ZMAT4: variants seen among roughly 807,000 people sequenced by gnomAD.
ZMAT4 encodes the protein zinc finger matrin-type protein 4.
In ZMAT4, 17 loss-of-function variants were observed where a neutral mutation model predicts 28.7. That is an observed-to-expected ratio of 0.59 (90% CI 0.41 to 0.89). ZMAT4 has a LOEUF of 0.89. Ranked by LOEUF, ZMAT4 falls within the 40% of genes least tolerant of loss-of-function variation. ZMAT4 has a pLI of 0.00. For synonymous variants in ZMAT4, 117 were observed against 109.2 expected, an observed-to-expected ratio of 1.07 and a Z score of -0.44; for missense variants, 240 against 283.8, an observed-to-expected ratio of 0.85 and a Z score of 1.11.
At chr8:40,861,087 G>A (rs920896934) in intron 1 of ZMAT4, among the ~76,000 whole-genome samples, 1 of 152,158 alleles carries the variant, frequency 6.6e-6, no homozygotes, top group Non-Finnish European at 1.5e-5. Flanking sequence ...ATCATTATTG[G>A]TATTTACATA....
chr8:40,564,334 GC>G (rs1803844969), intron 6 of ZMAT4, among the ~76,000 whole-genome samples: 1 of 152,044 alleles, frequency 6.6e-6, no homozygotes, highest in Non-Finnish European at 1.5e-5. Flanking sequence ...CTACAGGATT[GC>G]CCAACCCTGG....
chr8:40,881,599 A>AAAG (rs750851490), intron 1 of ZMAT4, among the ~76,000 whole-genome samples: 6,061 of 75,422 alleles, frequency 0.08, 242 homozygotes, highest in East Asian at 0.1. Context: ...AGAAAGAAAG[A>AAAG]AAAGAAAAGA....
chr8:40,638,137 A>T (rs1277036860), intron 5 of ZMAT4, among the ~76,000 whole-genome samples: 1 of 152,190 alleles, frequency 6.6e-6, no homozygotes, highest in African/African-American at 2.4e-5. Flanking sequence ...GGTTCTCGTG[A>T]TCTATTGTAC....
intron 5 of ZMAT4, among the ~76,000 whole-genome samples, chr8:40,665,241 A>C (rs34302484): frequency 0.52 from 79,364 of 151,294 alleles, 21,074 homozygotes; most frequent in Middle Eastern, 0.62. Context: ...CACACACAAA[A>C]AAAACAAAAA....
At chr8:40,817,342 G>A (rs1320502609) in intron 2 of ZMAT4, among the ~76,000 whole-genome samples, 1 of 152,180 alleles carries the variant, frequency 6.6e-6, no homozygotes, top group East Asian at 1.9e-4. Context: ...GTCCCTAGGA[G>A]GAGAGAAGAC....
At chr8:40,700,802 T>C (rs1341109532) in intron 3 of ZMAT4, among the ~76,000 whole-genome samples, 1 of 152,126 alleles carries the variant, frequency 6.6e-6, no homozygotes, top group Non-Finnish European at 1.5e-5. Flanking sequence ...TTGTACATTC[T>C]TCTTCTACAG....
intron 5 of ZMAT4, among the ~76,000 whole-genome samples, chr8:40,637,089 ATT>A (rs776119613): frequency 7.6e-4 from 75 of 98,062 alleles, no homozygotes; most frequent in East Asian, 4.3e-3. Flanking sequence ...AATGAAATAG[ATT>A]TTAAAAAAAA....
At chr8:40,635,898 A>G (rs1451682) in intron 5 of ZMAT4, among the ~76,000 whole-genome samples, 149,078 of 152,282 alleles carry the variant, frequency 0.98, 73,065 homozygotes, top group Middle Eastern at 1. Flanking sequence ...AACCTAATTA[A>G]TAAAAGTTGG....
At chr8:40,611,038 T>C (rs2589880) in intron 5 of ZMAT4, among the ~76,000 whole-genome samples, 149,470 of 152,084 alleles carry the variant, frequency 0.98, 73,519 homozygotes, top group Middle Eastern at 1. Flanking sequence ...CTGAGAACAG[T>C]GGTCTGTGCT....
chr8:40,874,273 G>A (rs143310743), intron 1 of ZMAT4, among the ~76,000 whole-genome samples: 112 of 152,306 alleles, frequency 7.4e-4, no homozygotes, highest in African/African-American at 2.5e-3. Context: ...GGCCACACCC[G>A]TCACGTCCAG....
chr8:40,704,419 G>T (rs1024466118), intron 3 of ZMAT4, among the ~76,000 whole-genome samples: 3 of 152,076 alleles, frequency 2.0e-5, no homozygotes, highest in African/African-American at 7.2e-5. Context: ...AGATATTAAG[G>T]TCCATTTTCT....
intron 1 of ZMAT4, among the ~76,000 whole-genome samples, chr8:40,880,569 G>A (rs1464247840): frequency 2.0e-5 from 3 of 152,048 alleles, no homozygotes; most frequent in Non-Finnish European, 4.4e-5. Context: ...TCTTATTGGT[G>A]ATAAGTGCTT....
chr8:40,611,312 AC>A (rs1190884423), intron 5 of ZMAT4, among the ~76,000 whole-genome samples: 1 of 151,918 alleles, frequency 6.6e-6, no homozygotes, highest in Non-Finnish European at 1.5e-5. Flanking sequence ...TCTGCCTGGA[AC>A]TTTTACATAT....
intron 2 of ZMAT4, among the ~76,000 whole-genome samples, chr8:40,769,058 G>C (rs1813280022): frequency 6.6e-6 from 1 of 152,104 alleles, no homozygotes; most frequent in African/African-American, 2.4e-5. Context: ...ATTCTGTCTA[G>C]AGCAACAAAA....
At chr8:40,756,426 T>TTATATATATATATATATATATA (rs72008675) in intron 3 of ZMAT4, among the ~76,000 whole-genome samples, 1,210 of 72,626 alleles carry the variant, frequency 0.017, 67 homozygotes, top group African/African-American at 0.018. Context: ...AAATGTTCTT[T>TTATATATATATATATATATATA]TATATATATA....
chr8:40,823,541 C>T (rs1272799624), intron 2 of ZMAT4, among the ~76,000 whole-genome samples: 2 of 152,128 alleles, frequency 1.3e-5, no homozygotes, highest in African/African-American at 4.8e-5. Context: ...CGCCTGTAGT[C>T]CCAGCTACTG....
rs534283018 is a variant in ZMAT4 at position 40,543,081 on chromosome 8, T to C, written c.675-10843A>G. 5.8e-4 allele frequency among the ~76,000 whole-genome samples: 88 copies of C among 152,054 alleles called. 1 individual carries two copies. Among genetic ancestry groups the C allele is most frequent in the Middle Eastern group, 3.4e-3 (1 of 294 alleles). ...ATGACAAATCCACAGATAGAGTGAA[T>C]TCTATGCTAACTTTTTTTTTTTCTC... On this transcript the variant is annotated intron_variant, in intron 6 of 6. Coordinates refer to ENST00000297737, the MANE Select transcript of ZMAT4 (RefSeq NM_024645.3).
At chr8:40,698,307 A>C (rs12681768) in intron 3 of ZMAT4, among the ~76,000 whole-genome samples, 1 of 152,034 alleles carries the variant, frequency 6.6e-6, no homozygotes, top group Non-Finnish European at 1.5e-5. Flanking sequence ...AAAAAATAAA[A>C]CCTTGGTCAG....
intron 5 of ZMAT4, among the ~76,000 whole-genome samples, chr8:40,610,182 G>A (rs1805743120): frequency 1.3e-5 from 2 of 152,154 alleles, no homozygotes; most frequent in Non-Finnish European, 2.9e-5. Context: ...ACCAAATCCG[G>A]AATGTGAAAA....
Sources: allele counts gnomAD v4.1 joint callset (sites outside exome capture counted in the v4.1 genomes callset), GRCh38; gene constraint gnomAD v4.1.1; transcripts MANE v1.5; gene names NCBI Gene and HGNC (gene_info 2026-07-23, HGNC 2026-07-21).